Variants in KDM4C observed in about 807,000 individuals in gnomAD.
KDM4C encodes the protein lysine-specific demethylase 4C.
KDM4C carries 81 observed loss-of-function variants against 129.3 expected under a neutral mutation model. That is an observed-to-expected ratio of 0.63 (90% CI 0.52 to 0.75). The LOEUF (loss-of-function observed/expected upper bound fraction) is 0.75, where lower values mean the gene tolerates loss of function less well. KDM4C is among the 30% of genes least tolerant of loss of function. The probability of loss-of-function intolerance (pLI) is 0.00; values close to 1 mark genes in which losing one functional copy is unlikely to be tolerated. For missense variants in KDM4C, 1,457 were observed against 1,304.0 expected, an observed-to-expected ratio of 1.12 and a Z score of -1.81; for synonymous variants, 573 against 456.1, an observed-to-expected ratio of 1.26 and a Z score of -3.26.
At chr9:7,076,989 C>T in intron 17 of KDM4C, 1 of 985,598 alleles carries the variant, frequency 1.0e-6, no homozygotes. Flanking sequence ...CTAAGAGAAT[C>T]CACTCTATGT....
chr9:6,847,536 G>T (rs576113723), intron 4 of KDM4C, among the ~76,000 whole-genome samples: 1 of 152,098 alleles, frequency 6.6e-6, no homozygotes, highest in Non-Finnish European at 1.5e-5. Flanking sequence ...GACTACAGAC[G>T]CCCGCCACCA....
intron 8 of KDM4C, among the ~76,000 whole-genome samples, chr9:6,914,193 G>A (rs1263677572): frequency 6.6e-6 from 1 of 152,144 alleles, no homozygotes; most frequent in Non-Finnish European, 1.5e-5. Flanking sequence ...CCGAGTAGCT[G>A]GGATTACAGC....
At chr9:6,958,340 T>G (rs1201045308) in intron 8 of KDM4C, among the ~76,000 whole-genome samples, 2 of 152,270 alleles carry the variant, frequency 1.3e-5, no homozygotes, top group Admixed American at 1.3e-4. Flanking sequence ...ATACCAGCAC[T>G]TTGGGAGGCC....
At chr9:6,776,674 A>C (rs954150753) in intron 1 of KDM4C, among the ~76,000 whole-genome samples, 20 of 133,600 alleles carry the variant, frequency 1.5e-4, no homozygotes, top group Non-Finnish European at 2.8e-4. Context: ...GCGCTATCTC[A>C]GCTCACTGCA....
rs547821330 is a variant in KDM4C at position 6,816,638 on chromosome 9, A to G, written c.435+1893A>G. 3.9e-5 allele frequency among the ~76,000 whole-genome samples: 6 copies of G among 152,302 alleles called. No homozygotes were observed. The South Asian group carries it at 1.2e-3, about 32-fold the overall frequency. On this transcript the variant is annotated intron_variant, in intron 4 of 21. Transcript: ENST00000381309. ...ACATTTTTTCCAGCTTACACTTCCTATAGCAATGTTTTCAAGTTTCCTTTG... is the reference window on the plus strand; with the variant it reads ...ACATTTTTTCCAGCTTACACTTCCTGTAGCAATGTTTTCAAGTTTCCTTTG...
At chr9:6,880,641 C>G (rs945250109) in intron 6 of KDM4C, among the ~76,000 whole-genome samples, 5 of 152,114 alleles carry the variant, frequency 3.3e-5, no homozygotes, top group African/African-American at 1.2e-4. Context: ...ATTAAACTTA[C>G]TTTACTGCAG....
intron 17 of KDM4C, among the ~76,000 whole-genome samples, chr9:7,078,425 G>A (rs780007015): frequency 1.5e-4 from 22 of 151,362 alleles, no homozygotes; most frequent in Non-Finnish European, 2.4e-4. Flanking sequence ...AGAGCCTCTG[G>A]GTTTTCTTTT....
chr9:6,809,748 C>T (rs1830794097), intron 3 of KDM4C, among the ~76,000 whole-genome samples: 2 of 152,210 alleles, frequency 1.3e-5, no homozygotes, highest in African/African-American at 4.8e-5. Flanking sequence ...CTTGTAATCC[C>T]AGCACTTTGG....
chr9:7,031,854 C>T (rs1358480603), intron 15 of KDM4C, among the ~76,000 whole-genome samples: 1 of 152,190 alleles, frequency 6.6e-6, no homozygotes, highest in Non-Finnish European at 1.5e-5. Flanking sequence ...ATAGAATTAA[C>T]TTCCAGAACT....
At chr9:6,747,983 G>A (rs988418539) in intron 1 of KDM4C, among the ~76,000 whole-genome samples, 1 of 152,082 alleles carries the variant, frequency 6.6e-6, no homozygotes, top group African/African-American at 2.4e-5. Context: ...TTCGAGAGCA[G>A]CCTGGGCAAT....
At chr9:7,081,045 A>G (rs769995804) in intron 17 of KDM4C, among the ~76,000 whole-genome samples, 1 of 152,250 alleles carries the variant, frequency 6.6e-6, no homozygotes, top group Non-Finnish European at 1.5e-5. Flanking sequence ...AACTTCTGCT[A>G]TTGTAAGTCT....
intron 5 of KDM4C, among the ~76,000 whole-genome samples, chr9:6,876,303 A>G (rs1293678610): frequency 6.6e-6 from 1 of 152,188 alleles, no homozygotes; most frequent in Non-Finnish European, 1.5e-5. Flanking sequence ...GAGCTCCTAA[A>G]TATGACTCAG....
chr9:6,890,043 G>A (rs1049359203), intron 7 of KDM4C, among the ~76,000 whole-genome samples: 4 of 152,186 alleles, frequency 2.6e-5, no homozygotes, highest in Non-Finnish European at 5.9e-5. Context: ...GTGACTTTGA[G>A]GGTTGATTGG....
intron 8 of KDM4C, among the ~76,000 whole-genome samples, chr9:6,974,559 T>C (rs1832613853): frequency 6.6e-6 from 1 of 152,192 alleles, no homozygotes; most frequent in Non-Finnish European, 1.5e-5. Flanking sequence ...AGTTTCACCA[T>C]GATGGCCAGG....
In KDM4C at chr9:7,125,778, C is replaced by A. The variant is rs77487309; in HGVS notation, c.2611-2288C>A. Among the ~76,000 whole-genome samples, 302 of 152,186 alleles carry A rather than the reference C, an allele frequency of 2.0e-3. 2 individuals are homozygous for A. Among genetic ancestry groups the A allele is most frequent in the African/African-American group, 6.1e-3 (252 of 41,528 alleles). On this transcript the variant is annotated intron_variant, in intron 18 of 21. Coordinates refer to ENST00000381309, the MANE Select transcript of KDM4C (RefSeq NM_015061.6). ...ATGACATGTCAGGCTAATTTTGGTC[C>A]CTTGGGGATTATGAAGGCCTGGACC... is the stretch of plus-strand genomic sequence containing the variant.
chr9:6,837,232 A>AT (rs1468148279), intron 4 of KDM4C, among the ~76,000 whole-genome samples: 2 of 151,946 alleles, frequency 1.3e-5, no homozygotes, highest in African/African-American at 2.4e-5. Context: ...TAATTTTTGT[A>AT]TTTTTTGTCG....
intron 3 of KDM4C, 75 bp downstream of exon 3, chr9:6,805,849 A>C (rs1268946471): frequency 8.9e-6 from 12 of 1,350,794 alleles, no homozygotes; most frequent in Non-Finnish European, 1.2e-5. Flanking sequence ...AAGTAGACAG[A>C]GGAGCTTATA....
intron 4 of KDM4C, among the ~76,000 whole-genome samples, chr9:6,829,576 T>C (rs1440877685): frequency 3.9e-5 from 6 of 152,230 alleles, no homozygotes; most frequent in Admixed American, 3.9e-4. Flanking sequence ...GACTGAATGT[T>C]AGGGTTTATC....
At chr9:7,099,091 A>C (rs1836787366) in intron 17 of KDM4C, among the ~76,000 whole-genome samples, 1 of 152,166 alleles carries the variant, frequency 6.6e-6, no homozygotes, top group African/African-American at 2.4e-5. Flanking sequence ...GGGCAAAAGG[A>C]GAAAGAAATT....
Sources: allele counts gnomAD v4.1 joint callset (sites outside exome capture counted in the v4.1 genomes callset), GRCh38; gene constraint gnomAD v4.1.1; transcripts MANE v1.5; gene names NCBI Gene and HGNC (gene_info 2026-07-23, HGNC 2026-07-21).